GRIK2: variants seen among roughly 807,000 people sequenced by gnomAD.
The protein encoded by GRIK2 is glutamate ionotropic receptor kainate type subunit 2.
GRIK2 carries 32 observed loss-of-function variants against 100.3 expected under a neutral mutation model. The observed-to-expected ratio is 0.32, with a 90% confidence interval of 0.24 to 0.43. GRIK2 has a LOEUF of 0.43. GRIK2 is among the 20% of genes least tolerant of loss of function. GRIK2 has a pLI of 1.00. For missense variants in GRIK2, 843 were observed against 1,114.9 expected (o/e 0.76, Z 3.47); for synonymous variants, 417 against 389.4 (o/e 1.07, Z -0.83).
chr6:101,961,209 C>T (rs1225953874), intron 14 of GRIK2, among the ~76,000 whole-genome samples: 1 of 152,094 alleles, frequency 6.6e-6, no homozygotes, highest in African/African-American at 2.4e-5. Flanking sequence ...ACTGAGGGTT[C>T]CAGCAAATCC....
chr6:101,724,458 T>A (rs916631185), intron 7 of GRIK2, among the ~76,000 whole-genome samples: 3 of 152,004 alleles, frequency 2.0e-5, no homozygotes, highest in Admixed American at 6.6e-5. Context: ...CGGTTTTCTG[T>A]TTTTGAGTAA....
rs72957692 is a variant in GRIK2, at chr6:101,453,046, G to A, written c.115+53654G>A. ...ATCCTTTCTTCTAAGGATATTGCTT[G>A]TGAAAATGATGTATTGACTCTCTAC... On this transcript the variant is annotated intron_variant, in intron 2 of 16. Transcript: ENST00000369134. Among the ~76,000 whole-genome samples, 1,324 of 151,912 alleles carry A rather than the reference G, an allele frequency of 8.7e-3. 15 individuals are homozygous for A. Among genetic ancestry groups the A allele is most frequent in the African/African-American group, 0.03 (1,236 of 41,484 alleles).
intron 6 of GRIK2, among the ~76,000 whole-genome samples, chr6:101,683,208 A>AAG (rs79434739): frequency 0.049 from 7,395 of 152,084 alleles, 254 homozygotes; most frequent in East Asian, 0.14. Context: ...CTAGAAAAAA[A>AAG]AAAAAAGAAA....
At chr6:101,951,757 G>A (rs1791619272) in intron 14 of GRIK2, among the ~76,000 whole-genome samples, 1 of 152,110 alleles carries the variant, frequency 6.6e-6, no homozygotes, top group African/African-American at 2.4e-5. Context: ...ATACTTTCTT[G>A]CCTGCTGCCA....
chr6:101,698,773 G>C (rs192308494), intron 7 of GRIK2, among the ~76,000 whole-genome samples: 1 of 152,264 alleles, frequency 6.6e-6, no homozygotes, highest in East Asian at 1.9e-4. Context: ...CAAGTGAAAC[G>C]TAGCCTTAAA....
At position 101,831,635 on chromosome 6, in the gene GRIK2, GTTATTA is replaced by G. The variant is rs980167312; in HGVS notation, c.1317+13158_1317+13163del. On this transcript the variant is annotated intron_variant, in intron 10 of 16. Transcript: ENST00000369134. ...GTCAGTGGAATAATATCAATCAACT[GTTATTA>G]TTATTTATAGTTACCTATTATTGTT... 2.0e-4 allele frequency among the ~76,000 whole-genome samples: 31 copies of G among 152,130 alleles called. No individual in the cohort carries two copies. In the East Asian group the frequency reaches 3.5e-3, roughly 17 times the overall value.
chr6:101,848,682 A>G (rs2128438663), intron 10 of GRIK2, among the ~76,000 whole-genome samples: 1 of 152,266 alleles, frequency 6.6e-6, no homozygotes, highest in Middle Eastern at 3.4e-3. Context: ...TACTATGGAA[A>G]TACAGGAGTG....
rs373801357 is a variant in GRIK2 at position 101,726,184 on chromosome 6, C to T, written c.951+39831C>T. Reference sequence around the variant, plus strand: ...AGAATAATCTTCCTATGTTGGATAACGCTTTATGCAAACAGTGTCCAGAGA... The same window carrying T: ...AGAATAATCTTCCTATGTTGGATAATGCTTTATGCAAACAGTGTCCAGAGA... On this transcript the variant is annotated intron_variant, in intron 7 of 16. Transcript: ENST00000369134. Among the ~76,000 whole-genome samples the T allele has an allele frequency of 2.1e-4, 32 of 151,986 alleles. No homozygotes were observed. The East Asian group carries it at 3.3e-3, about 16-fold the overall frequency.
chr6:101,917,259 T>C (rs554802978), intron 12 of GRIK2, among the ~76,000 whole-genome samples: 2 of 151,768 alleles, frequency 1.3e-5, no homozygotes, highest in East Asian at 3.9e-4. Flanking sequence ...TTTTCTTTTG[T>C]ACTGGAGACA....
chr6:101,569,793 A>G (rs1378991563), intron 2 of GRIK2, among the ~76,000 whole-genome samples: 1 of 152,132 alleles, frequency 6.6e-6, no homozygotes, highest in Admixed American at 6.6e-5. Context: ...AATGATTGTA[A>G]TAAGGTGAGT....
intron 10 of GRIK2, among the ~76,000 whole-genome samples, chr6:101,829,824 A>G (rs903879235): frequency 1.3e-5 from 2 of 152,064 alleles, no homozygotes; most frequent in African/African-American, 2.4e-5. Flanking sequence ...GGATGAATCA[A>G]TATCATTATA....
intron 12 of GRIK2, among the ~76,000 whole-genome samples, chr6:101,893,856 G>A (rs1190540837): frequency 6.6e-6 from 1 of 151,574 alleles, no homozygotes; most frequent in Non-Finnish European, 1.5e-5. Flanking sequence ...CTCACAATCA[G>A]TGCATATATC....
intron 2 of GRIK2, among the ~76,000 whole-genome samples, chr6:101,439,412 A>C (rs1305695754): frequency 1.3e-5 from 2 of 152,128 alleles, no homozygotes; most frequent in African/African-American, 4.8e-5. Context: ...TCATTACACA[A>C]GTATTATCTC....
At chr6:101,648,384 G>A (rs192911492) in intron 4 of GRIK2, among the ~76,000 whole-genome samples, 2 of 152,128 alleles carry the variant, frequency 1.3e-5, no homozygotes, top group East Asian at 3.9e-4. Context: ...GATATAAACT[G>A]TTTATTGATC....
chr6:101,517,890 T>C (rs1425264500), intron 2 of GRIK2, among the ~76,000 whole-genome samples: 3 of 151,926 alleles, frequency 2.0e-5, no homozygotes, highest in African/African-American at 4.8e-5. Flanking sequence ...AGAGTCAATG[T>C]TGGTCTTGGT....
chr6:101,842,915 T>C (rs1327233139), intron 10 of GRIK2, among the ~76,000 whole-genome samples: 30 of 152,138 alleles, frequency 2.0e-4, no homozygotes, highest in Admixed American at 2.0e-3. Flanking sequence ...CAAACAGAAG[T>C]AGAGGATGGC....
intron 7 of GRIK2, among the ~76,000 whole-genome samples, chr6:101,743,496 C>A (rs1776178853): frequency 6.6e-6 from 1 of 152,164 alleles, no homozygotes; most frequent in Non-Finnish European, 1.5e-5. Flanking sequence ...TTATTTAGAC[C>A]AGCTAATAGC....
intron 2 of GRIK2, among the ~76,000 whole-genome samples, chr6:101,494,051 ATATG>A (rs1773299014): frequency 6.8e-6 from 1 of 146,274 alleles, no homozygotes; most frequent in Admixed American, 7.0e-5. Context: ...TATAAAATAT[ATATG>A]ATATTTTTAT....
At chr6:101,634,247 T>C (rs1355577155) in intron 4 of GRIK2, among the ~76,000 whole-genome samples, 1 of 152,014 alleles carries the variant, frequency 6.6e-6, no homozygotes, top group Non-Finnish European at 1.5e-5. Context: ...GAGATACAGA[T>C]TGTAGAATTT....
Sources: gnomAD v4.1 joint callset for allele counts (sites outside exome capture counted in the v4.1 genomes callset) on GRCh38, gnomAD v4.1.1 for gene constraint, MANE v1.5 for transcripts, NCBI Gene and HGNC (gene_info 2026-07-23, HGNC 2026-07-21) for gene names.